The following RAD51B variants were observed in gnomAD, a reference collection of about 807,000 sequenced individuals.
RAD51B encodes RAD51 paralog B.
RAD51B carries 38 observed loss-of-function variants against 42.2 expected under a neutral mutation model. That is an observed-to-expected ratio of 0.90 (90% CI 0.70 to 1.18). The LOEUF (loss-of-function observed/expected upper bound fraction) is 1.18, where lower values mean the gene tolerates loss of function less well. Ranked by LOEUF, RAD51B falls within the 50% of genes most tolerant of loss-of-function variation. The probability of loss-of-function intolerance (pLI) is 0.00; values close to 1 mark genes in which losing one functional copy is unlikely to be tolerated. For missense variants in RAD51B, 373 were observed against 400.7 expected (o/e 0.93, Z 0.59); for synonymous variants, 154 against 145.2 (o/e 1.06, Z -0.43).
At chr14:68,206,668 C>T (rs944160584) in intron 7 of RAD51B, among the ~76,000 whole-genome samples, 2 of 151,044 alleles carry the variant, frequency 1.3e-5, no homozygotes, top group African/African-American at 4.9e-5. Flanking sequence ...ATCATATCTC[C>T]ACCGTCTATT....
intron 7 of RAD51B, among the ~76,000 whole-genome samples, chr14:68,235,091 C>A (rs1020351903): frequency 5.3e-5 from 8 of 152,070 alleles, no homozygotes; most frequent in African/African-American, 1.7e-4. Context: ...AGAGTAAAAA[C>A]AAACCACTAA....
At chr14:68,042,713 GT>G (rs1245240595) in intron 7 of RAD51B, among the ~76,000 whole-genome samples, 3 of 152,202 alleles carry the variant, frequency 2.0e-5, no homozygotes, top group Non-Finnish European at 4.4e-5. Context: ...TGCTTCAGGG[GT>G]TGTCAGTGTA....
chr14:68,576,226 G>A (rs561153558), intron 10 of RAD51B, among the ~76,000 whole-genome samples: 100 of 152,304 alleles, frequency 6.6e-4, no homozygotes, highest in South Asian at 2.3e-3. Flanking sequence ...GGAAGCTAGA[G>A]GCAAAGGAAG....
chr14:68,233,803 C>T (rs2080193299), intron 7 of RAD51B, among the ~76,000 whole-genome samples: 1 of 152,030 alleles, frequency 6.6e-6, no homozygotes. Context: ...TGTGAAAGAG[C>T]ATAGTATATT....
downstream of RAD51B, among the ~76,000 whole-genome samples, chr14:68,482,708 C>A (rs1216080436): frequency 1.3e-5 from 2 of 152,192 alleles, no homozygotes; most frequent in Non-Finnish European, 2.9e-5. Context: ...AGGCACTCAT[C>A]ACACTTCTCA....
At chr14:68,085,839 C>T (rs1310492702) in intron 7 of RAD51B, among the ~76,000 whole-genome samples, 2 of 152,096 alleles carry the variant, frequency 1.3e-5, no homozygotes, top group Admixed American at 6.5e-5. Context: ...GGGAGTGGCT[C>T]GCTTCTTCAG....
chr14:67,864,005 A>G (rs1263472448), intron 4 of RAD51B, among the ~76,000 whole-genome samples: 1 of 151,628 alleles, frequency 6.6e-6, no homozygotes, highest in African/African-American at 2.4e-5. Context: ...ACTATGGCGG[A>G]ACAGGAGAGA....
chr14:68,212,257 T>A (rs575945482), intron 7 of RAD51B, among the ~76,000 whole-genome samples: 40 of 152,320 alleles, frequency 2.6e-4, no homozygotes, highest in Non-Finnish European at 4.6e-4. Flanking sequence ...AGAATCTGAT[T>A]GAACTGGGTT....
In RAD51B at chr14:67,893,507, CACAAA is replaced by C. The variant is rs1379737390; in HGVS notation, c.756+6305_756+6309del. ...ACACACACACACACACACACACACA[CACAAA>C]AAAAAACAATTAGCTGGGTGTGGTG... is the stretch of plus-strand genomic sequence containing the variant. On this transcript the variant is annotated intron_variant, in intron 7 of 10. Transcript: ENST00000471583. 1.1e-4 allele frequency among the ~76,000 whole-genome samples: 8 copies of C among 75,388 alleles called. 1 individual carries two copies. The highest frequency in any genetic ancestry group is 3.0e-4 in the Admixed American group (2 of 6,606). 49.5% of individuals were successfully genotyped at this position (75,388 alleles called of 152,430 possible).
At chr14:68,331,135 G>T (rs148285387) in intron 8 of RAD51B, among the ~76,000 whole-genome samples, 1 of 151,968 alleles carries the variant, frequency 6.6e-6, no homozygotes, top group Non-Finnish European at 1.5e-5. Flanking sequence ...AGGCCAAGGC[G>T]GGTAGATCAT....
intron 7 of RAD51B, among the ~76,000 whole-genome samples, chr14:68,194,588 C>T (rs1478233691): frequency 6.6e-6 from 1 of 152,094 alleles, no homozygotes; most frequent in African/African-American, 2.4e-5. Context: ...TGTCCATGAC[C>T]CATTTATTTT....
chr14:68,597,696 G>A (rs1472541814), downstream of RAD51B, among the ~76,000 whole-genome samples: 1 of 151,900 alleles, frequency 6.6e-6, no homozygotes, highest in Non-Finnish European at 1.5e-5. Context: ...ATTGGGTACT[G>A]GGCTTAATAC....
At chr14:68,310,012 G>T (rs2081937255) in intron 8 of RAD51B, among the ~76,000 whole-genome samples, 1 of 152,178 alleles carries the variant, frequency 6.6e-6, no homozygotes, top group Non-Finnish European at 1.5e-5. Flanking sequence ...AGATTATAAG[G>T]TATTATTTGA....
At chr14:68,430,519 G>A (rs905348845) in intron 9 of RAD51B, among the ~76,000 whole-genome samples, 1 of 152,146 alleles carries the variant, frequency 6.6e-6, no homozygotes, top group African/African-American at 2.4e-5. Flanking sequence ...AATTGTGAAT[G>A]GGAATTCACT....
chr14:68,547,786 A>C (rs1468280705), intron 10 of RAD51B, among the ~76,000 whole-genome samples: 1 of 152,240 alleles, frequency 6.6e-6, no homozygotes, highest in Non-Finnish European at 1.5e-5. Context: ...ACCCTGAAGC[A>C]GAACACACTC....
At chr14:67,953,408 C>T (rs2074489797) in intron 7 of RAD51B, among the ~76,000 whole-genome samples, 1 of 152,000 alleles carries the variant, frequency 6.6e-6, no homozygotes, top group South Asian at 2.1e-4. Flanking sequence ...GATAAAATGG[C>T]AAGTAAAGCT....
chr14:68,600,782 A>G (rs1740262636), downstream of RAD51B, among the ~76,000 whole-genome samples: 1 of 152,194 alleles, frequency 6.6e-6, no homozygotes, highest in African/African-American at 2.4e-5. Flanking sequence ...CTTTAGGGAA[A>G]AGCTGGTGGC....
At chr14:68,407,166 A>G (rs938475416) in intron 8 of RAD51B, among the ~76,000 whole-genome samples, 6 of 152,236 alleles carry the variant, frequency 3.9e-5, no homozygotes, top group Admixed American at 6.5e-5. Flanking sequence ...CATTAAAAGT[A>G]TAGTAAATAC....
intron 10 of RAD51B, among the ~76,000 whole-genome samples, chr14:68,618,134 T>C (rs932546681): frequency 1.3e-5 from 2 of 152,114 alleles, no homozygotes; most frequent in African/African-American, 4.8e-5. Flanking sequence ...GCAAAAAATT[T>C]TGGAAATTAC....
Sources: allele counts gnomAD v4.1 joint callset (sites outside exome capture counted in the v4.1 genomes callset), GRCh38; gene constraint gnomAD v4.1.1; transcripts MANE v1.5; gene names NCBI Gene and HGNC (gene_info 2026-07-23, HGNC 2026-07-21).